Variants in MAN1A1 observed in about 807,000 individuals in gnomAD.
MAN1A1 encodes the protein mannosidase alpha class 1A member 1, also known as mannosyl-oligosaccharide 1,2-alpha-mannosidase IA.
MAN1A1 carries 29 observed loss-of-function variants against 70.8 expected under a neutral mutation model. The observed-to-expected ratio is 0.41, with a 90% CI of 0.31 to 0.56. The LOEUF (loss-of-function observed/expected upper bound fraction) is 0.56. Ranked by LOEUF, MAN1A1 falls within the 20% of genes least tolerant of loss-of-function variation. MAN1A1 has a pLI of 0.29. For missense variants in MAN1A1, 747 were observed against 841.3 expected, an observed-to-expected ratio of 0.89 and a Z score of 1.39; for synonymous variants, 349 against 330.1, an observed-to-expected ratio of 1.06 and a Z score of -0.62.
At chr6:119,206,730 T>C (rs2114952420) in intron 6 of MAN1A1, among the ~76,000 whole-genome samples, 1 of 152,364 alleles carries the variant, frequency 6.6e-6, no homozygotes, top group African/African-American at 2.4e-5. Flanking sequence ...ACATGGTAAT[T>C]GGTCATTAAC....
intron 4 of MAN1A1, among the ~76,000 whole-genome samples, chr6:119,291,666 T>G (rs962683624): frequency 6.6e-6 from 1 of 152,024 alleles, no homozygotes; most frequent in African/African-American, 2.4e-5. Context: ...ACAACTGGAC[T>G]GCAAATAGGA....
intron 6 of MAN1A1, among the ~76,000 whole-genome samples, chr6:119,246,555 A>C (rs1373671323): frequency 6.6e-6 from 1 of 152,162 alleles, no homozygotes; most frequent in Non-Finnish European, 1.5e-5. Flanking sequence ...AGTAGCTGTA[A>C]AGACCTAGAT....
chr6:119,272,523 A>G (rs986874937), intron 5 of MAN1A1, among the ~76,000 whole-genome samples: 1 of 152,192 alleles, frequency 6.6e-6, no homozygotes, highest in Non-Finnish European at 1.5e-5. Context: ...GTATCTCAGT[A>G]GCCCAAAATT....
intron 5 of MAN1A1, among the ~76,000 whole-genome samples, chr6:119,268,629 C>T (rs571683334): frequency 1.3e-5 from 2 of 152,054 alleles, no homozygotes; most frequent in South Asian, 4.2e-4. Context: ...CTCTGTCACC[C>T]AGGTTGAAGT....
chr6:119,235,005 G>A (rs1289969616), intron 6 of MAN1A1, among the ~76,000 whole-genome samples: 3 of 152,154 alleles, frequency 2.0e-5, no homozygotes, highest in East Asian at 1.9e-4. Flanking sequence ...GTTTTAGGGT[G>A]CCACCAACCA....
rs536432999 is a variant in MAN1A1, at chr6:119,247,793, T to G, written c.992+467A>C. 3.4e-4 allele frequency among the ~76,000 whole-genome samples: 52 copies of G among 152,308 alleles called. 1 individual carries two copies. Among genetic ancestry groups the G allele is most frequent in the Admixed American group, 1.6e-3 (24 of 15,292 alleles). On this transcript the variant is annotated intron_variant, in intron 6 of 12. Coordinates refer to ENST00000368468, the MANE Select transcript of MAN1A1 (RefSeq NM_005907.4). ...CTGGGGGCTGGGTAACCACAGGTGC[T>G]CCCAGTCTCCGTTATACCAGCTGCT...
Position 119,179,741 on chromosome 6 carries a change from T to C in MAN1A1, c.*78A>G, listed in dbSNP as rs1010709430. Reference sequence around the variant, plus strand: ...CAGACCTACTAATCAAAGTTCATCATGTGCCTGATTACCAGAAAAGGAATT... The same window carrying C: ...CAGACCTACTAATCAAAGTTCATCACGTGCCTGATTACCAGAAAAGGAATT... On this transcript the variant is annotated 3_prime_UTR_variant, in exon 13 of 13. Coordinates refer to ENST00000368468, the MANE Select transcript of MAN1A1 (RefSeq NM_005907.4). 10 of 1,348,520 alleles carry C rather than the reference T, an allele frequency of 7.4e-6. No individual in the cohort carries two copies. The African/African-American group carries it at 1.3e-4, about 18-fold the overall frequency. 83.5% of individuals were successfully genotyped at this position (1,348,520 alleles called of 1,614,324 possible). A position where few individuals can be genotyped will look rare whatever the true frequency, so the allele number is the denominator to read the frequency against.
At chr6:119,205,409 G>T (rs1773832821) in intron 6 of MAN1A1, among the ~76,000 whole-genome samples, 1 of 152,066 alleles carries the variant, frequency 6.6e-6, no homozygotes, top group Middle Eastern at 3.2e-3. Flanking sequence ...TTTCTTACGT[G>T]TATCTTCACA....
chr6:119,333,642 A>C (rs1393896079), intron 2 of MAN1A1, among the ~76,000 whole-genome samples: 2 of 152,224 alleles, frequency 1.3e-5, no homozygotes, highest in African/African-American at 4.8e-5. Context: ...TCTGGCTATA[A>C]AATCCTCAAC....
chr6:119,307,723 A>G (rs1772571205), intron 2 of MAN1A1, among the ~76,000 whole-genome samples: 1 of 152,188 alleles, frequency 6.6e-6, no homozygotes, highest in Non-Finnish European at 1.5e-5. Flanking sequence ...TGACTCAAAG[A>G]ACACATATAA....
intron 6 of MAN1A1, among the ~76,000 whole-genome samples, chr6:119,213,010 A>G (rs1259982014): frequency 6.6e-6 from 1 of 152,206 alleles, no homozygotes; most frequent in African/African-American, 2.4e-5. Context: ...ATATGAAGCG[A>G]GTTTAGGAAA....
intron 5 of MAN1A1, among the ~76,000 whole-genome samples, chr6:119,266,440 T>C (rs1400156981): frequency 6.6e-6 from 1 of 152,082 alleles, no homozygotes; most frequent in Non-Finnish European, 1.5e-5. Flanking sequence ...ATAAATACAG[T>C]CAATTGATCT....
chr6:119,304,472 A>G (rs1001080707), intron 3 of MAN1A1, among the ~76,000 whole-genome samples: 4 of 152,204 alleles, frequency 2.6e-5, no homozygotes, highest in Non-Finnish European at 5.9e-5. Flanking sequence ...GTCAAGCACA[A>G]AATACCTCTC....
intron 5 of MAN1A1, among the ~76,000 whole-genome samples, chr6:119,275,538 C>T (rs896740710): frequency 6.7e-6 from 1 of 148,172 alleles, no homozygotes; most frequent in Non-Finnish European, 1.5e-5. Flanking sequence ...GATCTCCTGA[C>T]CTCGTGATCC....
At chr6:119,314,051 C>G (rs1004750538) in intron 2 of MAN1A1, among the ~76,000 whole-genome samples, 1 of 152,118 alleles carries the variant, frequency 6.6e-6, no homozygotes, top group Non-Finnish European at 1.5e-5. Flanking sequence ...TACAGGCACG[C>G]GTCTAGAACT....
chr6:119,228,808 A>G (rs1259267688), intron 6 of MAN1A1, among the ~76,000 whole-genome samples: 1 of 152,176 alleles, frequency 6.6e-6, no homozygotes, highest in African/African-American at 2.4e-5. Context: ...ATGACAAAAT[A>G]TAGGCATAAA....
intron 6 of MAN1A1, among the ~76,000 whole-genome samples, chr6:119,216,228 A>G (rs1048467818): frequency 1.3e-5 from 2 of 152,326 alleles, no homozygotes; most frequent in Middle Eastern, 3.4e-3. Context: ...AGTCTGATTC[A>G]CATTTCTAAA....
chr6:119,329,119 A>G (rs1773235146), intron 2 of MAN1A1, among the ~76,000 whole-genome samples: 1 of 152,152 alleles, frequency 6.6e-6, no homozygotes, highest in Non-Finnish European at 1.5e-5. Flanking sequence ...ACTAAAAATC[A>G]ATACTCCACC....
intron 5 of MAN1A1, among the ~76,000 whole-genome samples, chr6:119,262,791 C>T (rs956870624): frequency 6.6e-6 from 1 of 152,054 alleles, no homozygotes; most frequent in African/African-American, 2.4e-5. Context: ...TACTACACAG[C>T]CATAAAAAAT....
Sources: gnomAD v4.1 joint callset for allele counts (sites outside exome capture counted in the v4.1 genomes callset) on GRCh38, gnomAD v4.1.1 for gene constraint, MANE v1.5 for transcripts, NCBI Gene and HGNC (gene_info 2026-07-23, HGNC 2026-07-21) for gene names.